The following SEMA4D variants were observed in gnomAD, a reference collection of about 807,000 sequenced individuals.
SEMA4D encodes the protein semaphorin 4D, also known as semaphorin-4D.
SEMA4D carries 22 observed loss-of-function variants against 74.8 expected under a neutral mutation model. The ratio of observed to expected loss-of-function variants is 0.29; its 90% CI spans 0.21 to 0.42. The LOEUF (loss-of-function observed/expected upper bound fraction) is 0.42, where lower values mean the gene tolerates loss of function less well. SEMA4D is among the 10% of genes least tolerant of loss of function. The pLI, the probability that SEMA4D is intolerant of heterozygous loss-of-function variation, is 1.00. For missense variants in SEMA4D, 937 were observed against 1,118.4 expected (o/e 0.84, Z 2.31); for synonymous variants, 445 against 463.7 (o/e 0.96, Z 0.52).
intron 1 of SEMA4D, among the ~76,000 whole-genome samples, chr9:89,464,191 C>T (rs557909692): frequency 4.7e-4 from 71 of 152,278 alleles, no homozygotes; most frequent in African/African-American, 1.6e-3. Context: ...AGATGCACTA[C>T]GCTCTCAGGG....
At chr9:89,419,423 G>C (rs1186551049) in intron 2 of SEMA4D, among the ~76,000 whole-genome samples, 1 of 152,184 alleles carries the variant, frequency 6.6e-6, no homozygotes, top group African/African-American at 2.4e-5. Context: ...CAAGCAAAGA[G>C]GGAAAGTCCA....
chr9:89,413,858 CTG>C (rs1005842314), intron 2 of SEMA4D, among the ~76,000 whole-genome samples: 1 of 152,158 alleles, frequency 6.6e-6, no homozygotes, highest in South Asian at 2.1e-4. Flanking sequence ...GTGTGCGCAT[CTG>C]TGTATGTGTA....
intron 1 of SEMA4D, among the ~76,000 whole-genome samples, chr9:89,481,581 C>T (rs1409736991): frequency 6.6e-6 from 1 of 152,226 alleles, no homozygotes; most frequent in Non-Finnish European, 1.5e-5. Flanking sequence ...AGCAGACACC[C>T]GTGGCGGATA....
chr9:89,466,225 C>T (rs968706851), intron 1 of SEMA4D, among the ~76,000 whole-genome samples: 1 of 152,186 alleles, frequency 6.6e-6, no homozygotes, highest in Non-Finnish European at 1.5e-5. Flanking sequence ...ATGACACACA[C>T]AAACATAATT....
rs1833217928 is a variant in SEMA4D, at chr9:89,364,206, G to A, written c.1883-256C>T. On this transcript the variant is annotated intron_variant, in intron 16 of 18. Transcript: ENST00000339861. The stretch of plus-strand genomic sequence containing the variant: ...TTTTCAAAGCACACCTGTGTGGCCT[G>A]TGTCCCCTAGGACCCCCTTTCTTGC... The A allele has an allele frequency of 1.4e-5, 9 of 656,340 alleles. No homozygotes were observed. The South Asian group carries it at 1.7e-4, about 13-fold the overall frequency. 40.7% of individuals were successfully genotyped at this position (656,340 alleles called of 1,614,324 possible). A position where few individuals can be genotyped will look rare whatever the true frequency, so the allele number is the denominator to read the frequency against.
chr9:89,434,740 G>GC (rs1850023834), intron 2 of SEMA4D, among the ~76,000 whole-genome samples: 1 of 152,212 alleles, frequency 6.6e-6, no homozygotes, highest in African/African-American at 2.4e-5. Flanking sequence ...GATGAGGGAT[G>GC]CCCCAAGGTA....
chr9:89,401,803 T>C (rs530193147), intron 4 of SEMA4D, among the ~76,000 whole-genome samples: 1 of 152,220 alleles, frequency 6.6e-6, no homozygotes, highest in East Asian at 1.9e-4. Flanking sequence ...CGGACCAAAA[T>C]AGCTGGTGAT....
chr9:89,415,503 T>A (rs1845517966), intron 2 of SEMA4D, among the ~76,000 whole-genome samples: 1 of 152,214 alleles, frequency 6.6e-6, no homozygotes. Flanking sequence ...TGATGGTTTC[T>A]GGAGAGGGAG....
chr9:89,384,742 A>T (rs1056926942), intron 13 of SEMA4D: 15 of 985,424 alleles, frequency 1.5e-5, no homozygotes, highest in Non-Finnish European at 1.8e-5. Flanking sequence ...GCTGTAGGAC[A>T]GGGGGAGGGC....
intron 1 of SEMA4D, among the ~76,000 whole-genome samples, chr9:89,474,967 G>A (rs1384983183): frequency 6.6e-6 from 1 of 152,240 alleles, no homozygotes; most frequent in Admixed American, 6.5e-5. Flanking sequence ...TAGAACCTGA[G>A]GAGGGTGCCT....
At chr9:89,445,122 C>T (rs897004164) in intron 2 of SEMA4D, among the ~76,000 whole-genome samples, 12 of 152,218 alleles carry the variant, frequency 7.9e-5, no homozygotes, top group African/African-American at 1.7e-4. Flanking sequence ...TTCATGCCAC[C>T]GCCGAAAGAA....
intron 2 of SEMA4D, among the ~76,000 whole-genome samples, chr9:89,414,449 GCAGC>G (rs1160516199): frequency 1.3e-5 from 2 of 152,186 alleles, no homozygotes; most frequent in Non-Finnish European, 2.9e-5. Flanking sequence ...CTGGAAGCAG[GCAGC>G]CAGGTGCTGG....
intron 2 of SEMA4D, among the ~76,000 whole-genome samples, chr9:89,410,532 A>T (rs1844290631): frequency 6.6e-6 from 1 of 152,224 alleles, no homozygotes; most frequent in South Asian, 2.1e-4. Flanking sequence ...CTGGAAAGTA[A>T]ACTAAAGAGG....
chr9:89,389,181 G>C, intron 9 of SEMA4D, 134 bp from the exon 10 acceptor site: 1 of 841,998 alleles, frequency 1.2e-6, no homozygotes, highest in Non-Finnish European at 1.9e-6. Context: ...CGGGCAACAG[G>C]AGACAGATGC....
At chr9:89,480,464 AG>A (rs1179625208) in intron 1 of SEMA4D, among the ~76,000 whole-genome samples, 1 of 152,200 alleles carries the variant, frequency 6.6e-6, no homozygotes, top group East Asian at 1.9e-4. Flanking sequence ...GCCGTGGAGC[AG>A]GGGGTGGCTC....
At chr9:89,485,377 T>C (rs1397727138) in intron 1 of SEMA4D, among the ~76,000 whole-genome samples, 1 of 152,242 alleles carries the variant, frequency 6.6e-6, no homozygotes, top group Non-Finnish European at 1.5e-5. Flanking sequence ...TTTCTATTTA[T>C]AAACACTGAG....
chr9:89,370,888 G>A (rs1362911374), intron 16 of SEMA4D, among the ~76,000 whole-genome samples: 1 of 146,250 alleles, frequency 6.8e-6, no homozygotes, highest in Non-Finnish European at 1.5e-5. Flanking sequence ...TGTGTGTCTG[G>A]GATGTGTGGC....
intron 2 of SEMA4D, chr9:89,418,027 A>G (rs1418358679): frequency 1.1e-6 from 1 of 947,268 alleles, no homozygotes; most frequent in Non-Finnish European, 1.3e-6. Context: ...CTCAACTGAA[A>G]TTACAGATCA....
At chr9:89,363,565 G>A (rs1445093801) in intron 17 of SEMA4D, 2 of 1,611,856 alleles carry the variant, frequency 1.2e-6, no homozygotes, top group South Asian at 1.1e-5. Context: ...AAAGCTCTGT[G>A]GGCCTTTATG....
Sources: allele counts gnomAD v4.1 joint callset (sites outside exome capture counted in the v4.1 genomes callset), GRCh38; gene constraint gnomAD v4.1.1; transcripts MANE v1.5; gene names NCBI Gene and HGNC (gene_info 2026-07-23, HGNC 2026-07-21).